WFS1: variants seen among roughly 807,000 people sequenced by gnomAD.
The protein encoded by WFS1 is wolframin ER transmembrane glycoprotein.
In WFS1, 90 loss-of-function variants were observed where a neutral mutation model predicts 68.5. That is an observed-to-expected ratio of 1.31 (90% confidence interval 1.11 to 1.56). The LOEUF (loss-of-function observed/expected upper bound fraction) is 1.56, where lower values mean the gene tolerates loss of function less well. WFS1 is among the 40% of genes most tolerant of loss of function. WFS1 has a pLI of 0.00. For missense variants in WFS1, 1,767 were observed against 1,232.6 expected (o/e 1.43, Z -6.49); for synonymous variants, 860 against 540.7 (o/e 1.59, Z -8.19).
rs896797633 is a variant in WFS1 at position 6,290,400 on chromosome 4, G to A, written c.461-797G>A. On this transcript the variant is annotated intron_variant, in intron 4 of 7. Transcript: ENST00000226760. ...GGAATGACCTGGAGGGGGCTCAGGCGGCCCACACGGCTCATTGTTGGGTGC... is the reference window on the plus strand; with the variant it reads ...GGAATGACCTGGAGGGGGCTCAGGCAGCCCACACGGCTCATTGTTGGGTGC... Among the ~76,000 whole-genome samples, 5 of 152,342 alleles carry A rather than the reference G, an allele frequency of 3.3e-5. No homozygotes were observed. In the South Asian group the frequency reaches 6.2e-4, roughly 19 times the overall value.
Position 6,289,107 on chromosome 4 carries a change from C to G in WFS1, c.436C>G (p.Arg146Gly). ...CCGTCGCGAGGCTGTGAAGCTGCTT[C>G]GCCGGTGCTTGGCGGACAGAAGAGG... ...QGRREAVKLL[R>G]RCLADRRGIT... is the part of the protein sequence containing the mutation. The change falls in exon 4 of 8, where the codon CGC becomes GGC. Residue 146 changes from arginine (R) to glycine (G), a missense_variant. Coordinates refer to ENST00000226760, the MANE Select transcript of WFS1 (RefSeq NM_006005.3). The G allele has an allele frequency of 6.3e-7, 1 of 1,581,110 alleles. No homozygotes were observed. The highest frequency in any genetic ancestry group is 8.6e-7 in the Non-Finnish European group (1 of 1,163,862).
chr4:6,285,745 C>T (rs1730293294), intron 2 of WFS1, among the ~76,000 whole-genome samples: 1 of 152,164 alleles, frequency 6.6e-6, no homozygotes, highest in Non-Finnish European at 1.5e-5. Context: ...GCTGCAGAGC[C>T]GGTTCAGAGC....
At chr4:6,270,481 G>A (rs181341690) in intron 1 of WFS1, among the ~76,000 whole-genome samples, 454 of 152,200 alleles carry the variant, frequency 3.0e-3, no homozygotes, top group Middle Eastern at 0.01. Flanking sequence ...GGGAAGGGGG[G>A]TTCAGTCCCC....
In WFS1 at chr4:6,287,213, G is replaced by GC. The variant is rs1488827889; in HGVS notation, c.315+43dup. 16 of 1,527,722 alleles carry GC rather than the reference G, an allele frequency of 1.0e-5. No homozygotes were observed. Among genetic ancestry groups the GC allele is most frequent in the Admixed American group, 3.9e-5 (2 of 50,966 alleles). The allele number at this position is 1,527,722 out of a possible 1,614,324, so 94.6% of individuals were successfully genotyped here. On this transcript the variant is annotated intron_variant, in intron 3 of 7. Coordinates refer to ENST00000226760, the MANE Select transcript of WFS1 (RefSeq NM_006005.3). The surrounding 1 kb of genome is among the most constrained non-coding windows in gnomAD (Gnocchi z 6.4). Reference sequence around the variant, plus strand: ...GTGCCGGCAGGGACTTCGGGACGCGGCCCCCGGCACAACAGGCCTGGCCAC... The same window carrying GC: ...GTGCCGGCAGGGACTTCGGGACGCGGCCCCCCGGCACAACAGGCCTGGCCAC...
intron 6 of WFS1, among the ~76,000 whole-genome samples, chr4:6,293,052 C>G (rs1730511388): frequency 6.6e-6 from 1 of 152,194 alleles, no homozygotes; most frequent in South Asian, 2.1e-4. Context: ...ATCTGTGACT[C>G]TAGGAAGCCC....
At chr4:6,273,251 T>A (rs763296979) in intron 1 of WFS1, among the ~76,000 whole-genome samples, 5 of 152,226 alleles carry the variant, frequency 3.3e-5, no homozygotes, top group Non-Finnish European at 7.3e-5. Flanking sequence ...CCTCTCCAGG[T>A]GGCGGCCTCT....
At chr4:6,285,638 C>T (rs192186182) in intron 2 of WFS1, among the ~76,000 whole-genome samples, 102 of 152,364 alleles carry the variant, frequency 6.7e-4, no homozygotes, top group African/African-American at 2.3e-3. Context: ...CCCTTCCTCT[C>T]TGCCTTTGCA....
intron 3 of WFS1, chr4:6,288,749 TG>T: frequency 3.4e-6 from 2 of 593,080 alleles, no homozygotes; most frequent in Non-Finnish European, 6.1e-6. Flanking sequence ...TCGGAGCCCG[TG>T]TCTCCCTCGC....
At position 6,283,687 on chromosome 4, in the gene WFS1, T is replaced by C. The variant is rs1046203960; in HGVS notation, c.233-3406T>C. The stretch of plus-strand genomic sequence containing the variant: ...GTGTCCATCCCTGAACCAGGTGCTG[T>C]AGTCAGGGAGATGACCTGGCAACTC... On this transcript the variant is annotated intron_variant, in intron 2 of 7. Transcript: ENST00000226760. The surrounding 1 kb of genome is among the most constrained non-coding windows in gnomAD (Gnocchi z 5.0). Among the ~76,000 whole-genome samples the C allele has an allele frequency of 6.6e-6, 1 of 152,126 alleles. No homozygotes were observed. Among genetic ancestry groups the C allele is most frequent in the South Asian group, 2.1e-4 (1 of 4,816 alleles).
chr4:6,273,995 A>G (rs926623275), intron 1 of WFS1, among the ~76,000 whole-genome samples: 23 of 151,910 alleles, frequency 1.5e-4, no homozygotes, highest in African/African-American at 4.1e-4. Flanking sequence ...CCAACTGAAC[A>G]TGCCTTTGTT....
chr4:6,286,989 C>T (rs1032029219), intron 2 of WFS1, 104 bp from the exon 3 acceptor site: 8 of 1,028,178 alleles, frequency 7.8e-6, no homozygotes, highest in Non-Finnish European at 1.0e-5. Flanking sequence ...TTGAAAGTGA[C>T]AAGCAGCAGC....
intron 5 of WFS1, among the ~76,000 whole-genome samples, 197 bp from the exon 6 acceptor site, chr4:6,291,720 G>T (rs1730469455): frequency 6.6e-6 from 1 of 152,192 alleles, no homozygotes; most frequent in Non-Finnish European, 1.5e-5. Flanking sequence ...GCTACGTGGT[G>T]CTGAGTCCAC....
intron 2 of WFS1, among the ~76,000 whole-genome samples, chr4:6,280,996 C>T (rs1035456861): frequency 6.6e-6 from 1 of 152,218 alleles, no homozygotes; most frequent in African/African-American, 2.4e-5. Context: ...TGGCCCAGCT[C>T]ACTGTGAGAC....
chr4:6,287,606 G>A lies in WFS1; in HGVS notation c.315+431G>A, dbSNP rs1373935369. ...TTCACTTGGGCATCAGCCAAGGGCT[G>A]GGCTTTGTGCCAGTGCTGGGGACAT... On this transcript the variant is annotated intron_variant, in intron 3 of 7. Coordinates refer to ENST00000226760, the MANE Select transcript of WFS1 (RefSeq NM_006005.3). The surrounding 1 kb of genome is among the most constrained non-coding windows in gnomAD (Gnocchi z 6.4). Among the ~76,000 whole-genome samples the A allele has an allele frequency of 6.6e-6, 1 of 152,192 alleles. No homozygotes were observed. The highest frequency in any genetic ancestry group is 1.9e-4 in the East Asian group (1 of 5,188).
At chr4:6,274,803 A>C (rs1004931901) in intron 1 of WFS1, among the ~76,000 whole-genome samples, 1 of 138,726 alleles carries the variant, frequency 7.2e-6, no homozygotes, top group South Asian at 2.5e-4. Flanking sequence ...TTTGCAGTGA[A>C]TGGGCCCCGG....
At chr4:6,293,014 G>C (rs1730509723) in intron 6 of WFS1, among the ~76,000 whole-genome samples, 1 of 152,180 alleles carries the variant, frequency 6.6e-6, no homozygotes, top group African/African-American at 2.4e-5. Context: ...GGGAGACAAA[G>C]AAACACCTCA....
rs750629438 is a variant in WFS1 at position 6,300,960 on chromosome 4, G to C, written c.1165G>C (p.Asp389His). The change falls in exon 8 of 8, where the codon GAT (aspartate) becomes CAT (histidine). Residue 389 changes from aspartate (D) to histidine (H), a missense_variant. By Grantham distance (81) the Asp-to-His change is moderately conservative. Coordinates refer to ENST00000226760, the MANE Select transcript of WFS1 (RefSeq NM_006005.3). ...DLLLRFEPNL[D>H]VEQAEVNFGW... ...GCTGCTGCGCTTCGAGCCCAACCTGGATGTGGAGCAGGCCGAGGTCAACTT... is the reference window on the plus strand; with the variant it reads ...GCTGCTGCGCTTCGAGCCCAACCTGCATGTGGAGCAGGCCGAGGTCAACTT... 1 of 1,613,910 alleles carries C rather than the reference G, an allele frequency of 6.2e-7. No homozygotes were observed. Among genetic ancestry groups the C allele is most frequent in the Non-Finnish European group, 8.5e-7 (1 of 1,180,026 alleles).
At chr4:6,297,241 GTCT>G (rs1730661768) in intron 7 of WFS1, among the ~76,000 whole-genome samples, 1 of 152,220 alleles carries the variant, frequency 6.6e-6, no homozygotes, top group Admixed American at 6.5e-5. Context: ...TTTGCAGTTT[GTCT>G]TCTTAGAAGT....
At chr4:6,295,926 G>A (rs1578602035) in intron 7 of WFS1, among the ~76,000 whole-genome samples, 3 of 152,334 alleles carry the variant, frequency 2.0e-5, no homozygotes, top group Admixed American at 2.0e-4. Flanking sequence ...AGAACACCAG[G>A]ATTTCCAGAA....
Sources: gnomAD v4.1 joint callset for allele counts (sites outside exome capture counted in the v4.1 genomes callset) on GRCh38, gnomAD v4.1.1 for gene constraint, Gnocchi (gnomAD v3.1) non-coding constraint, MANE v1.5 for transcripts, NCBI Gene and HGNC (gene_info 2026-07-23, HGNC 2026-07-21) for gene names.